RBM39: variants seen among roughly 807,000 people sequenced by gnomAD.
RBM39 encodes RNA-binding protein 39.
A neutral mutation model predicts 79.6 loss-of-function variants in RBM39; 12 were observed. That is an observed-to-expected ratio of 0.15 (90% CI 0.10 to 0.24). The LOEUF is 0.24. Among genes scored for constraint, RBM39 ranks in the 10% least tolerant of loss-of-function variants. The pLI is 1.00. For missense variants in RBM39, 243 were observed against 653.4 expected (o/e 0.37, Z 6.85); for synonymous variants, 185 against 208.4 (o/e 0.89, Z 0.97).
chr20:35,708,253 A>G (rs1178327973), intron 13 of RBM39, among the ~76,000 whole-genome samples: 2 of 152,088 alleles, frequency 1.3e-5, no homozygotes, highest in African/African-American at 2.4e-5. Flanking sequence ...AGAGTGTATT[A>G]TAACTGTGCA....
intron 12 of RBM39, among the ~76,000 whole-genome samples, chr20:35,712,527 G>T (rs2036566898): frequency 6.8e-6 from 1 of 147,420 alleles, no homozygotes; most frequent in Non-Finnish European, 1.5e-5. Context: ...ATACATAATT[G>T]TAAAAACGTC....
In RBM39 at chr20:35,732,282, A is replaced by T. The variant is rs908738366; in HGVS notation, c.102-147T>A. ...ATACAATGGTACATAATCATACTTAAAAAAAAAAAAAAATCCTGTAATCTC... is the reference window on the plus strand; with the variant it reads ...ATACAATGGTACATAATCATACTTATAAAAAAAAAAAAATCCTGTAATCTC... On this transcript the variant is annotated intron_variant, in intron 3 of 16. Coordinates refer to ENST00000253363, the MANE Select transcript of RBM39 (RefSeq NM_184234.3). 7 of 55,200 alleles carry T rather than the reference A, an allele frequency of 1.3e-4. No individual in the cohort carries two copies. The African/African-American group carries it at 2.8e-3, about 22-fold the overall frequency. 3.4% of individuals were successfully genotyped at this position (55,200 alleles called of 1,614,324 possible). A position where few individuals can be genotyped will look rare whatever the true frequency, so the allele number is the denominator to read the frequency against.
At chr20:35,705,943 T>TGTAATTTCAGCACTTTGGGAAGCTGAGGC (rs2035676298) in intron 14 of RBM39, among the ~76,000 whole-genome samples, 1 of 152,204 alleles carries the variant, frequency 6.6e-6, no homozygotes, top group Admixed American at 6.5e-5. Flanking sequence ...AGCTCATGCC[T>TGTAATTTCAGCACTTTGGGAAGCTGAGGC]GTAATTTCAG....
chr20:35,728,859 T>C (rs2039049381), intron 6 of RBM39, among the ~76,000 whole-genome samples: 2 of 151,736 alleles, frequency 1.3e-5, no homozygotes, highest in Non-Finnish European at 2.9e-5. Flanking sequence ...GGGTGGACCA[T>C]CTGAGGTCCG....
chr20:35,725,860 C>A (rs962408659), intron 6 of RBM39, among the ~76,000 whole-genome samples: 9 of 151,858 alleles, frequency 5.9e-5, no homozygotes, highest in Non-Finnish European at 1.0e-4. Flanking sequence ...GATGTGGTTT[C>A]ACCATGTTGG....
intron 12 of RBM39, 110 bp from the exon 13 acceptor site, chr20:35,709,384 A>G: frequency 4.6e-6 from 4 of 876,962 alleles, no homozygotes; most frequent in Middle Eastern, 3.0e-4. Context: ...TGCACTTAGT[A>G]AAACCTGGCA....
chr20:35,724,538 A>G, intron 8 of RBM39, 32 bp downstream of exon 8: 3 of 1,608,092 alleles, frequency 1.9e-6, no homozygotes, highest in Non-Finnish European at 1.7e-6. Flanking sequence ...AACACCACCA[A>G]TAATCAAACT....
intron 9 of RBM39, among the ~76,000 whole-genome samples, chr20:35,719,661 G>A (rs1424583349): frequency 6.6e-6 from 1 of 152,066 alleles, no homozygotes; most frequent in African/African-American, 2.4e-5. Flanking sequence ...TAGGCGCAAG[G>A]AGTGAAACTC....
intron 9 of RBM39, among the ~76,000 whole-genome samples, chr20:35,717,593 T>G (rs1271639741): frequency 6.6e-6 from 1 of 152,196 alleles, no homozygotes; most frequent in Admixed American, 6.5e-5. Context: ...CACAATTCTG[T>G]GAATTGTACT....
chr20:35,739,052 G>C, intron 2 of RBM39, 35 bp from the exon 3 acceptor site: 1 of 1,552,054 alleles, frequency 6.4e-7, no homozygotes, highest in Non-Finnish European at 8.9e-7. Flanking sequence ...TCATGAGGAC[G>C]AAGTGGTAAC....
chr20:35,707,244 G>A, intron 13 of RBM39, 43 bp from the exon 14 acceptor site: 1 of 1,413,608 alleles, frequency 7.1e-7, no homozygotes, highest in Non-Finnish European at 9.9e-7. Context: ...GAAAATGCAT[G>A]AAAGTATCCC....
chr20:35,706,291 C>T (rs796923936), intron 14 of RBM39, among the ~76,000 whole-genome samples: 55 of 152,220 alleles, frequency 3.6e-4, no homozygotes, highest in African/African-American at 1.2e-3. Flanking sequence ...AAGATAGAGC[C>T]GGTGGCGCCA....
At chr20:35,716,209 G>A (rs1384790162) in intron 10 of RBM39, among the ~76,000 whole-genome samples, 1 of 152,040 alleles carries the variant, frequency 6.6e-6, no homozygotes. Flanking sequence ...AAGTAGGTGG[G>A]ATTACAGTTG....
At position 35,713,109 on chromosome 20, in the gene RBM39, A is replaced by G; in HGVS notation, c.1097-13T>C. The G allele has an allele frequency of 6.2e-7, 1 of 1,609,530 alleles. No homozygotes were observed. The highest frequency in any genetic ancestry group is 8.5e-7 in the Non-Finnish European group (1 of 1,177,062). The stretch of plus-strand genomic sequence containing the variant: ...TGCAAACCTGTACCTGTAAAAGAAT[A>G]GTCTTAAAGTTCCTACTATGTTGAG... On this transcript the variant is annotated splice_polypyrimidine_tract_variant and intron_variant, in intron 11 of 16. Transcript: ENST00000253363.
At chr20:35,721,510 C>T (rs571098937) in intron 9 of RBM39, among the ~76,000 whole-genome samples, 1 of 152,156 alleles carries the variant, frequency 6.6e-6, no homozygotes, top group Non-Finnish European at 1.5e-5. Flanking sequence ...TTTATTAACT[C>T]TAATACCCAT....
intron 2 of RBM39, 66 bp from the exon 3 acceptor site, chr20:35,739,083 A>G: frequency 7.8e-7 from 1 of 1,275,808 alleles, no homozygotes. Context: ...GTCAAAGGGT[A>G]AAGGGAACAG....
chr20:35,725,575 C>CT (rs1361824356), intron 6 of RBM39, among the ~76,000 whole-genome samples: 1 of 152,062 alleles, frequency 6.6e-6, no homozygotes, highest in Non-Finnish European at 1.5e-5. Context: ...GCCACTACGC[C>CT]TGGCCTAAAA....
chr20:35,706,611 C>T (rs1439763730), intron 14 of RBM39, among the ~76,000 whole-genome samples: 1 of 152,106 alleles, frequency 6.6e-6, no homozygotes, highest in Non-Finnish European at 1.5e-5. Flanking sequence ...ACTAGCTAGG[C>T]ATAGTTACTA....
chr20:35,723,871 T>C (rs960994154), intron 8 of RBM39, among the ~76,000 whole-genome samples: 1 of 149,748 alleles, frequency 6.7e-6, no homozygotes, highest in Non-Finnish European at 1.5e-5. Flanking sequence ...CAAGACCCTG[T>C]TTCTTAAAAA....
Sources: allele counts gnomAD v4.1 joint callset (sites outside exome capture counted in the v4.1 genomes callset), GRCh38; gene constraint gnomAD v4.1.1; transcripts MANE v1.5; gene names NCBI Gene and HGNC (gene_info 2026-07-23, HGNC 2026-07-21).